Variants in BLTP3B observed in about 807,000 individuals in gnomAD.
BLTP3B encodes the protein bridge-like lipid transfer protein family member 3B.
At chr12:100,041,628 G>C in the BLTP3B span, among the ~76,000 whole-genome samples, 1 of 151,728 alleles carries the variant, frequency 6.6e-6, no homozygotes, top group Non-Finnish European at 1.5e-5. Flanking sequence ...GTAGAGATGG[G>C]GTTTCACCAT....
chr12:100,093,881 A>G, the BLTP3B span, among the ~76,000 whole-genome samples: 9 of 152,200 alleles, frequency 5.9e-5, no homozygotes, highest in African/African-American at 2.2e-4. Flanking sequence ...ATCTTTAAAA[A>G]TACTATATTT....
At chr12:100,059,974 C>T in the BLTP3B span, 1 of 1,612,796 alleles carries the variant, frequency 6.2e-7, no homozygotes, top group Admixed American at 1.7e-5. Flanking sequence ...TTGATTTAAC[C>T]ATAGAATGCT....
chr12:100,116,990 C>T, the BLTP3B span, among the ~76,000 whole-genome samples: 1 of 151,924 alleles, frequency 6.6e-6, no homozygotes, highest in East Asian at 1.9e-4. Context: ...ATCTGAGCAA[C>T]AAAATAAATA....
chr12:100,049,564 C>T, the BLTP3B span, among the ~76,000 whole-genome samples: 3 of 152,178 alleles, frequency 2.0e-5, no homozygotes, highest in Non-Finnish European at 2.9e-5. Flanking sequence ...ATTCCAGGTA[C>T]AGAATTATAT....
the BLTP3B span, among the ~76,000 whole-genome samples, chr12:100,074,015 G>C: frequency 1.3e-5 from 2 of 152,120 alleles, no homozygotes; most frequent in African/African-American, 4.8e-5. Context: ...GGAAGTTCTA[G>C]CTAGAGCAAT....
the BLTP3B span, among the ~76,000 whole-genome samples, chr12:100,049,441 G>GCA: frequency 6.6e-6 from 1 of 152,092 alleles, no homozygotes; most frequent in South Asian, 2.1e-4. Context: ...TCAAATATAT[G>GCA]CATGTGTGTG....
the BLTP3B span, among the ~76,000 whole-genome samples, chr12:100,038,212 G>A: frequency 2.2e-4 from 34 of 152,142 alleles, no homozygotes; most frequent in East Asian, 5.8e-4. Context: ...TTGCTCGGTC[G>A]TCTTCTCTTG....
chr12:100,044,431 T>C, the BLTP3B span, among the ~76,000 whole-genome samples: 2 of 152,194 alleles, frequency 1.3e-5, no homozygotes, highest in Admixed American at 6.5e-5. Flanking sequence ...ATGAAACAGA[T>C]GCACATGTCA....
the BLTP3B span, chr12:100,058,564 A>T: frequency 1.9e-3 from 2,988 of 1,612,606 alleles, 57 homozygotes; most frequent in African/African-American, 0.035. Context: ...GAAGACAAAA[A>T]ATCCCCATTT....
the BLTP3B span, among the ~76,000 whole-genome samples, chr12:100,096,063 C>A: frequency 1.3e-5 from 2 of 152,022 alleles, no homozygotes; most frequent in African/African-American, 2.4e-5. Context: ...ACCAGCCTGG[C>A]CAACATGGTA....
the BLTP3B span, among the ~76,000 whole-genome samples, chr12:100,066,199 T>C: frequency 6.6e-6 from 1 of 151,862 alleles, no homozygotes; most frequent in Non-Finnish European, 1.5e-5. Context: ...TTCATGCAAA[T>C]GGACATTAAA....
the BLTP3B span, among the ~76,000 whole-genome samples, chr12:100,110,677 T>C: frequency 6.6e-6 from 1 of 151,914 alleles, no homozygotes; most frequent in Non-Finnish European, 1.5e-5. Flanking sequence ...ACTTTTGAGC[T>C]GGTATCTAAA....
At chr12:100,070,369 C>T in the BLTP3B span, among the ~76,000 whole-genome samples, 1 of 151,922 alleles carries the variant, frequency 6.6e-6, no homozygotes, top group Non-Finnish European at 1.5e-5. Context: ...TCACCACAAC[C>T]TCTGCCTCCC....
At chr12:100,052,097 C>T in the BLTP3B span, among the ~76,000 whole-genome samples, 1 of 150,352 alleles carries the variant, frequency 6.7e-6, no homozygotes, top group South Asian at 2.1e-4. Context: ...TGGAGTCTCA[C>T]TCTGTTGCCC....
chr12:100,117,731 G>A, the BLTP3B span, among the ~76,000 whole-genome samples: 20 of 151,998 alleles, frequency 1.3e-4, no homozygotes, highest in Non-Finnish European at 2.4e-4. Context: ...AAACTCCTGG[G>A]CTCAAGCAAT....
At chr12:100,128,457 T>C in the BLTP3B span, 3 of 747,230 alleles carry the variant, frequency 4.0e-6, no homozygotes, top group Non-Finnish European at 3.4e-6. Context: ...GTAAAGAAAA[T>C]GAAATAGGTA....
chr12:100,095,854 T>A, the BLTP3B span: 1 of 1,555,506 alleles, frequency 6.4e-7, no homozygotes, highest in Admixed American at 2.2e-5. Context: ...GAAAAAAAAA[T>A]GTTTTATAAA....
At chr12:100,098,253 A>T in the BLTP3B span, 1 of 1,319,244 alleles carries the variant, frequency 7.6e-7, no homozygotes, top group African/African-American at 1.5e-5. Flanking sequence ...TACAGAGAAA[A>T]GCAAAGTTAA....
At chr12:100,108,310 A>C in the BLTP3B span, 2 of 1,475,134 alleles carry the variant, frequency 1.4e-6, no homozygotes, top group Non-Finnish European at 1.8e-6. Flanking sequence ...AGTATTTTAA[A>C]AGCTAGAGCC....
Sources: allele counts gnomAD v4.1 joint callset (sites outside exome capture counted in the v4.1 genomes callset), GRCh38; gene constraint gnomAD v4.1.1; transcripts MANE v1.5; gene names NCBI Gene and HGNC (gene_info 2026-07-23, HGNC 2026-07-21).